GALNT5: variants seen among roughly 807,000 people sequenced by gnomAD.
GALNT5 encodes UDP-GalNAc:polypeptide N-acetylgalactosaminyltransferase 5.
GALNT5 carries 72 observed loss-of-function variants against 85.4 expected under a neutral mutation model. The observed-to-expected ratio is 0.84, with a 90% CI of 0.70 to 1.03. The LOEUF is 1.03. Among genes scored for constraint, GALNT5 ranks in the 50% least tolerant of loss-of-function variants. The pLI, the probability that GALNT5 is intolerant of heterozygous loss-of-function variation, is 0.00. For synonymous variants in GALNT5, 404 were observed against 397.0 expected (o/e 1.02, Z -0.21); for missense variants, 1,137 against 1,135.5 (o/e 1.00, Z -0.02).
At chr2:157,301,311 A>G (rs914373190) in intron 7 of GALNT5, among the ~76,000 whole-genome samples, 6 of 152,218 alleles carry the variant, frequency 3.9e-5, no homozygotes, top group East Asian at 3.8e-4. Context: ...TGGGTAGAGA[A>G]GAAAGATTAT....
intron 2 of GALNT5, 59 bp from the exon 3 acceptor site, chr2:157,285,956 G>T: frequency 7.4e-7 from 1 of 1,351,592 alleles, no homozygotes; most frequent in East Asian, 2.4e-5. Context: ...GAGCACTTCT[G>T]ATACTATCCG....
At chr2:157,266,266 A>T (rs11886629) in intron 1 of GALNT5, among the ~76,000 whole-genome samples, 295 of 152,326 alleles carry the variant, frequency 1.9e-3, no homozygotes, top group African/African-American at 6.9e-3. Context: ...GGGGGGAAAA[A>T]AGAGCAAATG....
Position 157,296,378 on chromosome 2 carries a change from T to G in GALNT5, c.1878-16T>G. On this transcript the variant is annotated splice_polypyrimidine_tract_variant and intron_variant, in intron 4 of 9. Coordinates refer to ENST00000259056, the MANE Select transcript of GALNT5 (RefSeq NM_014568.3). ...ATAATCCCAGATAACACTTTGTTTTTCATTTCCTGGATTAGTTACATGACA... is the reference window on the plus strand; with the variant it reads ...ATAATCCCAGATAACACTTTGTTTTGCATTTCCTGGATTAGTTACATGACA... 6.3e-7 allele frequency: 1 copy of G among 1,599,676 alleles called. No homozygotes were observed. Among genetic ancestry groups the G allele is most frequent in the Non-Finnish European group, 8.6e-7 (1 of 1,167,672 alleles).
At position 157,318,242 on chromosome 2, in the gene GALNT5, T is replaced by A. The variant is rs1234985323; in HGVS notation, c.*6894T>A. 6.6e-6 allele frequency among the ~76,000 whole-genome samples: 1 copy of A among 152,130 alleles called. No individual in the cohort carries two copies. Among genetic ancestry groups the A allele is most frequent in the African/African-American group, 2.4e-5 (1 of 41,446 alleles). ...ATTTGAAAATATGCCAAAAGTATGA[T>A]CCCATGTAAATATGCAGAAACGATT... On this transcript the variant is annotated 3_prime_UTR_variant, in exon 10 of 10. Transcript: ENST00000259056.
Position 157,315,080 on chromosome 2 carries a change from A to C in GALNT5, c.*3732A>C, listed in dbSNP as rs1416379905. ...ACAACAGAGCAAGACTCTATCTCAA[A>C]AAATAATAATAATAATTTTTACCTC... On this transcript the variant is annotated 3_prime_UTR_variant, in exon 10 of 10. Coordinates refer to ENST00000259056, the MANE Select transcript of GALNT5 (RefSeq NM_014568.3). 6.6e-6 allele frequency among the ~76,000 whole-genome samples: 1 copy of C among 151,594 alleles called. No homozygotes were observed. The highest frequency in any genetic ancestry group is 2.4e-5 in the African/African-American group (1 of 40,876).
chr2:157,262,373 A>G (rs1344080392), intron 1 of GALNT5, among the ~76,000 whole-genome samples: 1 of 152,156 alleles, frequency 6.6e-6, no homozygotes, highest in Non-Finnish European at 1.5e-5. Context: ...ATGGTAGCTC[A>G]AGCCTGTAAT....
At chr2:157,267,050 T>A (rs551376937) in intron 1 of GALNT5, among the ~76,000 whole-genome samples, 41 of 152,318 alleles carry the variant, frequency 2.7e-4, no homozygotes, top group Non-Finnish European at 5.9e-4. Context: ...GGTCATTGAC[T>A]TCAAGGCGTA....
chr2:157,306,163 A>G (rs557369175), intron 8 of GALNT5, among the ~76,000 whole-genome samples: 1 of 152,342 alleles, frequency 6.6e-6, no homozygotes, highest in South Asian at 2.1e-4. Flanking sequence ...TAGGTAATAC[A>G]TATGAAGCAT....
intron 4 of GALNT5, 31 bp from the exon 5 acceptor site, chr2:157,296,363 A>G (rs760796187): frequency 6.4e-6 from 10 of 1,571,568 alleles, no homozygotes; most frequent in Non-Finnish European, 8.8e-6. Flanking sequence ...ATAATCCCAG[A>G]TAACACTTTG....
At chr2:157,263,686 T>C (rs1425725018) in intron 1 of GALNT5, among the ~76,000 whole-genome samples, 1 of 152,230 alleles carries the variant, frequency 6.6e-6, no homozygotes, top group African/African-American at 2.4e-5. Flanking sequence ...GAATTTACAA[T>C]TTGTTTCTCT....
intron 5 of GALNT5, among the ~76,000 whole-genome samples, 162 bp from the exon 6 acceptor site, chr2:157,299,386 G>A (rs1003585994): frequency 6.6e-6 from 1 of 152,098 alleles, no homozygotes; most frequent in Non-Finnish European, 1.5e-5. Flanking sequence ...TCCAGGGATC[G>A]CATCACTTAA....
intron 7 of GALNT5, among the ~76,000 whole-genome samples, chr2:157,301,204 A>G (rs913084769): frequency 1.3e-5 from 2 of 152,194 alleles, no homozygotes; most frequent in African/African-American, 4.8e-5. Context: ...AACTCAACAG[A>G]TATCTATTGA....
intron 6 of GALNT5, 100 bp from the exon 7 acceptor site, chr2:157,300,576 T>A (rs1683319062): frequency 1.1e-6 from 1 of 886,618 alleles, no homozygotes; most frequent in Non-Finnish European, 1.8e-6. Context: ...TGAGTATTAC[T>A]TCAGGTAGGG....
Position 157,258,475 on chromosome 2 carries a change from T to C in GALNT5, c.393T>C (p.His131=). The C allele has an allele frequency of 6.2e-7, 1 of 1,606,144 alleles. No homozygotes were observed. The highest frequency in any genetic ancestry group is 8.5e-7 in the Non-Finnish European group (1 of 1,177,354). ...GKVVPLWHPA[H]LQTLPVTPNK... The stretch of plus-strand genomic sequence containing the variant: ...TTGTGCCGTTGTGGCATCCTGCACA[T>C]CTGCAGACCCTCCCTGTGACTCCTA... Residue 131 remains histidine (H), a synonymous_variant, in exon 1 of 10, where the codon CAT becomes CAC. Transcript: ENST00000259056.
chr2:157,275,860 T>A (rs1041289061), intron 1 of GALNT5, among the ~76,000 whole-genome samples: 2 of 152,190 alleles, frequency 1.3e-5, no homozygotes, highest in Non-Finnish European at 2.9e-5. Context: ...AACACTATGT[T>A]GAATAGGAGT....
chr2:157,296,369 C>CTTTGT (rs1574029884), intron 4 of GALNT5, 25 bp from the exon 5 acceptor site: 1 of 1,583,792 alleles, frequency 6.3e-7, no homozygotes, highest in East Asian at 2.2e-5. Flanking sequence ...CCAGATAACA[C>CTTTGT]TTTGTTTTTC....
At chr2:157,310,529 AAAC>A (rs1332738451) in intron 9 of GALNT5, among the ~76,000 whole-genome samples, 2 of 152,210 alleles carry the variant, frequency 1.3e-5, no homozygotes, top group East Asian at 3.8e-4. Flanking sequence ...TAAAGTTTAA[AAAC>A]AACATGTGTA....
chr2:157,270,990 C>T (rs1170548434), intron 1 of GALNT5, among the ~76,000 whole-genome samples: 2 of 152,098 alleles, frequency 1.3e-5, no homozygotes, highest in African/African-American at 4.8e-5. Flanking sequence ...GTGGCAGGTG[C>T]CTGTAGTCCC....
Position 157,262,989 on chromosome 2 carries a change from A to G in GALNT5, c.1454+3453A>G, listed in dbSNP as rs1574010048. Among the ~76,000 whole-genome samples, 6 of 151,032 alleles carry G rather than the reference A, an allele frequency of 4.0e-5. No homozygotes were observed. The South Asian group carries it at 1.2e-3, about 31-fold the overall frequency. On this transcript the variant is annotated intron_variant, in intron 1 of 9. Transcript: ENST00000259056. ...ACTACAGGCACCCGCCACCATGCCC[A>G]GCTAATTTTTTGTATTTTTAGTAGA...
Sources: gnomAD v4.1 joint callset for allele counts (sites outside exome capture counted in the v4.1 genomes callset) on GRCh38, gnomAD v4.1.1 for gene constraint, MANE v1.5 for transcripts, NCBI Gene and HGNC (gene_info 2026-07-23, HGNC 2026-07-21) for gene names.